PKP4: variants seen among roughly 807,000 people sequenced by gnomAD.
PKP4 encodes the protein plakophilin-4.
PKP4 carries 90 observed loss-of-function variants against 145.1 expected under a neutral mutation model. The ratio of observed to expected loss-of-function variants is 0.62; its 90% CI spans 0.52 to 0.74. The LOEUF (loss-of-function observed/expected upper bound fraction) is 0.74. Among genes scored for constraint, PKP4 ranks in the 30% least tolerant of loss-of-function variants. The probability of loss-of-function intolerance (pLI) is 0.00; values close to 1 mark genes in which losing one functional copy is unlikely to be tolerated. For synonymous variants in PKP4, 563 were observed against 577.2 expected, an observed-to-expected ratio of 0.98 and a Z score of 0.35; for missense variants, 1,340 against 1,482.7, an observed-to-expected ratio of 0.90 and a Z score of 1.58.
In PKP4 at chr2:158,457,080, G is replaced by A. The variant is rs1410005256; in HGVS notation, c.-144G>A. 1 of 150,722 alleles carries A rather than the reference G, an allele frequency of 6.6e-6. No homozygotes were observed. 9.3% of individuals were successfully genotyped at this position (150,722 alleles called of 1,614,324 possible). A position where few individuals can be genotyped will look rare whatever the true frequency, so the allele number is the denominator to read the frequency against. On this transcript the variant is annotated 5_prime_UTR_variant, in exon 1 of 22. Coordinates refer to ENST00000389759, the MANE Select transcript of PKP4 (RefSeq NM_003628.6). Reference sequence around the variant, plus strand: ...TGGTGGGAGAGCCGCTCCGGGGGCGGGGGCCGGTGGGGGAGGGAGGGGCGG... The same window carrying A: ...TGGTGGGAGAGCCGCTCCGGGGGCGAGGGCCGGTGGGGGAGGGAGGGGCGG...
At chr2:158,533,413 C>T (rs548590007) in intron 2 of PKP4, 97 bp downstream of exon 2, 232 of 1,383,438 alleles carry the variant, frequency 1.7e-4, no homozygotes, top group East Asian at 3.9e-4. Flanking sequence ...ACGTCCTTGA[C>T]GCCTTCACGT....
intron 1 of PKP4, among the ~76,000 whole-genome samples, chr2:158,500,760 A>G (rs976619738): frequency 6.6e-6 from 1 of 152,176 alleles, no homozygotes; most frequent in African/African-American, 2.4e-5. Context: ...CAGAGATGCA[A>G]GTATCTGGGA....
chr2:158,549,349 A>G (rs375193735), intron 2 of PKP4: 2 of 152,212 alleles, frequency 1.3e-5, no homozygotes, highest in African/African-American at 4.8e-5. Context: ...TTTCATGTCT[A>G]AAAAATAGGC....
chr2:158,507,318 G>A (rs1226635192), intron 1 of PKP4, among the ~76,000 whole-genome samples: 2 of 152,164 alleles, frequency 1.3e-5, no homozygotes, highest in African/African-American at 2.4e-5. Flanking sequence ...AGTTTATGCC[G>A]CTAATGGGGT....
Position 158,676,883 on chromosome 2 carries a change from G to A in PKP4, c.3256+16G>A, listed in dbSNP as rs766362390. On this transcript the variant is annotated intron_variant, in intron 20 of 21. Coordinates refer to ENST00000389759, the MANE Select transcript of PKP4 (RefSeq NM_003628.6). ...CTGTACCCTGGTAAGACGCCAGTTG[G>A]GTGTGTGATACAGTCTCTTGAAAAG... The A allele has an allele frequency of 1.2e-6, 2 of 1,613,970 alleles. No homozygotes were observed. Among genetic ancestry groups the A allele is most frequent in the Non-Finnish European group, 8.5e-7 (1 of 1,179,976 alleles).
At chr2:158,537,378 G>T (rs573132804) in intron 2 of PKP4, among the ~76,000 whole-genome samples, 4 of 152,280 alleles carry the variant, frequency 2.6e-5, no homozygotes, top group Admixed American at 2.6e-4. Context: ...AAAGGATGTG[G>T]TTATCTTGGT....
intron 1 of PKP4, among the ~76,000 whole-genome samples, chr2:158,469,501 A>G (rs1691217350): frequency 6.6e-6 from 1 of 152,212 alleles, no homozygotes; most frequent in Admixed American, 6.5e-5. Flanking sequence ...GCATCTGGCT[A>G]AATGAAGTCT....
At chr2:158,624,054 T>G (rs2052521232) in intron 6 of PKP4, among the ~76,000 whole-genome samples, 1 of 152,212 alleles carries the variant, frequency 6.6e-6, no homozygotes, top group Non-Finnish European at 1.5e-5. Flanking sequence ...TTTCCAGCTG[T>G]CTAGGCCAAG....
rs776424283 is a variant in PKP4, at chr2:158,680,521, T to C, written c.3423T>C (p.Asp1141=). The stretch of plus-strand genomic sequence containing the variant: ...TGCAGTCTCCTCATAGCTATGAAGA[T>C]CCTTATTTTGATGACCGAGTTCACT... ...LYLQSPHSYE[D]PYFDDRVHFP... is the part of the protein sequence containing the mutation. Residue 1141 remains aspartate, a synonymous_variant, in exon 22 of 22, where the codon GAT becomes GAC. Coordinates refer to ENST00000389759, the MANE Select transcript of PKP4 (RefSeq NM_003628.6). 1.2e-6 allele frequency: 2 copies of C among 1,613,962 alleles called. No individual in the cohort carries two copies. The highest frequency in any genetic ancestry group is 1.7e-6 in the Non-Finnish European group (2 of 1,179,824).
At chr2:158,627,952 A>G (rs2052969942) in intron 7 of PKP4, among the ~76,000 whole-genome samples, 1 of 151,310 alleles carries the variant, frequency 6.6e-6, no homozygotes, top group South Asian at 2.1e-4. Context: ...TTCTGAAAAA[A>G]TTATTTTTTA....
chr2:158,524,430 G>A (rs1369972408), intron 1 of PKP4, among the ~76,000 whole-genome samples: 1 of 121,156 alleles, frequency 8.3e-6, no homozygotes, highest in Non-Finnish European at 1.7e-5. Context: ...ACAAGCAAAT[G>A]CTGAGAGATT....
chr2:158,466,581 T>G (rs1274189988), intron 1 of PKP4, among the ~76,000 whole-genome samples: 1 of 150,980 alleles, frequency 6.6e-6, no homozygotes, highest in Non-Finnish European at 1.5e-5. Flanking sequence ...GGCGGGCGCC[T>G]GTAGTCCCAG....
At chr2:158,545,072 A>ATTT (rs1559302413) in intron 2 of PKP4, among the ~76,000 whole-genome samples, 8 of 35,692 alleles carry the variant, frequency 2.2e-4, no homozygotes, top group South Asian at 1.5e-3. Flanking sequence ...TAAGTCTTTC[A>ATTT]CTTTTTTTTT....
chr2:158,474,187 C>G (rs184995014), intron 1 of PKP4, among the ~76,000 whole-genome samples: 1 of 152,240 alleles, frequency 6.6e-6, no homozygotes, highest in Non-Finnish European at 1.5e-5. Flanking sequence ...CGTTTGCTGC[C>G]CCTAGAGGTC....
At chr2:158,569,443 C>T (rs2047251063) in intron 2 of PKP4, among the ~76,000 whole-genome samples, 1 of 152,144 alleles carries the variant, frequency 6.6e-6, no homozygotes, top group Non-Finnish European at 1.5e-5. Context: ...CAGAGCTGTC[C>T]TAATAATGTA....
chr2:158,502,512 A>G (rs1696735068), intron 1 of PKP4, among the ~76,000 whole-genome samples: 1 of 152,206 alleles, frequency 6.6e-6, no homozygotes, highest in South Asian at 2.1e-4. Flanking sequence ...GTTCTCTAAC[A>G]CATACTTGTC....
At chr2:158,577,425 C>T (rs761328277) in intron 3 of PKP4, 42 bp downstream of exon 3, 2 of 1,223,308 alleles carry the variant, frequency 1.6e-6, no homozygotes, top group African/African-American at 1.5e-5. Flanking sequence ...ACTCAAGTTA[C>T]ATGCCTTACT....
At chr2:158,658,341 T>C in intron 12 of PKP4, 27 bp downstream of exon 12, 1 of 1,412,110 alleles carries the variant, frequency 7.1e-7, no homozygotes, top group South Asian at 1.2e-5. Flanking sequence ...TTCTTTCCAG[T>C]TAATTCTGTG....
chr2:158,582,712 C>G (rs2048435648), intron 3 of PKP4, among the ~76,000 whole-genome samples: 1 of 152,132 alleles, frequency 6.6e-6, no homozygotes, highest in African/African-American at 2.4e-5. Flanking sequence ...TGGTCTCTTT[C>G]CAGTAAATTA....
Sources: allele counts gnomAD v4.1 joint callset (sites outside exome capture counted in the v4.1 genomes callset), GRCh38; gene constraint gnomAD v4.1.1; transcripts MANE v1.5; gene names NCBI Gene and HGNC (gene_info 2026-07-23, HGNC 2026-07-21).